SPOCK3: variants seen among roughly 807,000 people sequenced by gnomAD.
SPOCK3 encodes SPARC (osteonectin), cwcv and kazal like domains proteoglycan 3.
A neutral mutation model predicts 56.6 loss-of-function variants in SPOCK3; 30 were observed. The ratio of observed to expected loss-of-function variants is 0.53; its 90% CI spans 0.40 to 0.72. The LOEUF (loss-of-function observed/expected upper bound fraction) is 0.72. SPOCK3 is among the 30% of genes least tolerant of loss of function. The pLI, the probability that SPOCK3 is intolerant of heterozygous loss-of-function variation, is 0.00. For missense variants in SPOCK3, 527 were observed against 530.0 expected, an observed-to-expected ratio of 0.99 and a Z score of 0.06; for synonymous variants, 196 against 183.3, an observed-to-expected ratio of 1.07 and a Z score of -0.56.
chr4:167,058,775 A>C (rs1755215297), intron 3 of SPOCK3, among the ~76,000 whole-genome samples: 1 of 152,200 alleles, frequency 6.6e-6, no homozygotes, highest in Non-Finnish European at 1.5e-5. Context: ...AGTAACCAAA[A>C]CAGCATGGTA....
chr4:166,863,206 A>G (rs1731418887), intron 6 of SPOCK3, among the ~76,000 whole-genome samples: 1 of 152,160 alleles, frequency 6.6e-6, no homozygotes, highest in South Asian at 2.1e-4. Context: ...CAGACAAGCA[A>G]ATGCTGAGGG....
chr4:166,945,631 C>A (rs1333358604), intron 4 of SPOCK3, among the ~76,000 whole-genome samples: 2 of 152,144 alleles, frequency 1.3e-5, no homozygotes, highest in Non-Finnish European at 2.9e-5. Flanking sequence ...TGTGCAGGTA[C>A]CCTCCTCACT....
At chr4:166,833,360 C>G (rs1397676854) in intron 6 of SPOCK3, among the ~76,000 whole-genome samples, 3 of 152,060 alleles carry the variant, frequency 2.0e-5, no homozygotes, top group Admixed American at 2.0e-4. Context: ...TTATGTCAAG[C>G]TGGTTGATAG....
At chr4:166,864,561 G>A (rs1360633141) in intron 6 of SPOCK3, among the ~76,000 whole-genome samples, 1 of 151,918 alleles carries the variant, frequency 6.6e-6, no homozygotes, top group Non-Finnish European at 1.5e-5. Flanking sequence ...AGAAAAGAGA[G>A]AAGAATCAAA....
chr4:166,870,992 C>A (rs1407592035), intron 6 of SPOCK3, among the ~76,000 whole-genome samples: 1 of 152,070 alleles, frequency 6.6e-6, no homozygotes, highest in Non-Finnish European at 1.5e-5. Context: ...AAGGTCCTTG[C>A]TTCCCCTTTG....
At chr4:166,833,774 G>A (rs202178761) in intron 6 of SPOCK3, among the ~76,000 whole-genome samples, 1 of 152,096 alleles carries the variant, frequency 6.6e-6, no homozygotes, top group Admixed American at 6.6e-5. Flanking sequence ...AACCTGTGGT[G>A]TGTCCTTTTT....
At chr4:167,099,131 C>T (rs888150626) in intron 2 of SPOCK3, among the ~76,000 whole-genome samples, 5 of 151,580 alleles carry the variant, frequency 3.3e-5, no homozygotes, top group Admixed American at 2.0e-4. Context: ...GATTCTTTCT[C>T]GAGATTTTTC....
chr4:166,850,962 CACA>C (rs1377502887), intron 6 of SPOCK3, among the ~76,000 whole-genome samples: 1 of 152,218 alleles, frequency 6.6e-6, no homozygotes, highest in African/African-American at 2.4e-5. Flanking sequence ...GGGTGGAGCC[CACA>C]ACAGCTTAAG....
At chr4:167,217,617 T>C (rs1735497956) in intron 2 of SPOCK3, among the ~76,000 whole-genome samples, 1 of 152,004 alleles carries the variant, frequency 6.6e-6, no homozygotes, top group Admixed American at 6.6e-5. Flanking sequence ...TATGAAAATA[T>C]TTCAAAAACC....
chr4:167,229,423 T>C (rs1561348712), intron 2 of SPOCK3, among the ~76,000 whole-genome samples: 1 of 152,066 alleles, frequency 6.6e-6, no homozygotes, highest in South Asian at 2.1e-4. Flanking sequence ...TGTAGAGCCA[T>C]AGAATACTTT....
At chr4:166,876,736 A>T (rs899959173) in intron 6 of SPOCK3, among the ~76,000 whole-genome samples, 1 of 152,164 alleles carries the variant, frequency 6.6e-6, no homozygotes, top group Non-Finnish European at 1.5e-5. Context: ...CTAATCATGG[A>T]AGACTTGTTT....
intron 6 of SPOCK3, among the ~76,000 whole-genome samples, chr4:166,850,853 T>C (rs1345614316): frequency 1.3e-5 from 2 of 152,256 alleles, no homozygotes; most frequent in African/African-American, 2.4e-5. Flanking sequence ...AGCACAGCAG[T>C]CTGAGATCAA....
At chr4:167,214,984 A>T (rs999769573) in intron 2 of SPOCK3, among the ~76,000 whole-genome samples, 3 of 150,804 alleles carry the variant, frequency 2.0e-5, no homozygotes, top group East Asian at 1.9e-4. Context: ...TATTTACTGT[A>T]TATATATTTA....
chr4:167,156,562 A>G (rs546381769), intron 2 of SPOCK3, among the ~76,000 whole-genome samples: 220 of 152,328 alleles, frequency 1.4e-3, no homozygotes, highest in Non-Finnish European at 2.6e-3. Flanking sequence ...AAAAACTACA[A>G]GACATAAATG....
chr4:167,154,377 G>A (rs1402546596), intron 2 of SPOCK3, among the ~76,000 whole-genome samples: 2 of 152,036 alleles, frequency 1.3e-5, no homozygotes, highest in Non-Finnish European at 2.9e-5. Context: ...GACACTCAGA[G>A]GCCCCAGCGC....
intron 2 of SPOCK3, among the ~76,000 whole-genome samples, chr4:167,103,974 C>T (rs1759873898): frequency 6.6e-6 from 1 of 151,970 alleles, no homozygotes; most frequent in African/African-American, 2.4e-5. Flanking sequence ...TGGATCTTAC[C>T]CAAGACCACC....
chr4:167,056,601 G>T (rs886581742), intron 3 of SPOCK3, among the ~76,000 whole-genome samples: 10 of 152,298 alleles, frequency 6.6e-5, no homozygotes, highest in Admixed American at 2.6e-4. Context: ...AGGAGCTGAT[G>T]GAGCTGAAAG....
At chr4:167,209,503 G>A (rs1001422771) in intron 2 of SPOCK3, among the ~76,000 whole-genome samples, 1 of 152,024 alleles carries the variant, frequency 6.6e-6, no homozygotes, top group Non-Finnish European at 1.5e-5. Flanking sequence ...GTGTTTGGAG[G>A]CTAGAAGAAA....
chr4:166,854,247 T>A (rs550071151), intron 6 of SPOCK3, among the ~76,000 whole-genome samples: 4 of 152,210 alleles, frequency 2.6e-5, no homozygotes, highest in African/African-American at 7.2e-5. Context: ...ATTCTTGATG[T>A]GAGAGGAGGA....
Sources: gnomAD v4.1 joint callset for allele counts (sites outside exome capture counted in the v4.1 genomes callset) on GRCh38, gnomAD v4.1.1 for gene constraint, MANE v1.5 for transcripts, NCBI Gene and HGNC (gene_info 2026-07-23, HGNC 2026-07-21) for gene names.